Variants in KRT78 observed in about 807,000 individuals in gnomAD.
The protein encoded by KRT78 is keratin 78, also known as keratin, type II cytoskeletal 78.
Under a neutral mutation model 51.4 loss-of-function variants are expected in KRT78, and 55 were observed. The observed-to-expected ratio is 1.07, with a 90% CI of 0.86 to 1.34. The LOEUF is 1.34. KRT78 is among the 40% of genes most tolerant of loss of function. KRT78 has a pLI of 0.00. For missense variants in KRT78, 652 were observed against 649.4 expected (o/e 1.00, Z -0.04); for synonymous variants, 291 against 264.3 (o/e 1.10, Z -0.98).
intron 6 of KRT78, among the ~76,000 whole-genome samples, chr12:52,843,511 G>A (rs1460571008): frequency 1.3e-5 from 2 of 150,892 alleles, no homozygotes; most frequent in Non-Finnish European, 2.9e-5. Flanking sequence ...CCAACATGGT[G>A]AAACCCCGTC....
At chr12:52,839,539 G>C (rs748463296) in intron 7 of KRT78, 52 bp from the exon 8 acceptor site, 2 of 1,495,176 alleles carry the variant, frequency 1.3e-6, no homozygotes, top group Non-Finnish European at 1.8e-6. Flanking sequence ...TACAAAGAAT[G>C]CATCCCCACG....
Position 52,838,715 on chromosome 12 carries a change from T to G in KRT78, c.*398A>C. The G allele has an allele frequency of 4.5e-6, 1 of 220,136 alleles. No homozygotes were observed. The highest frequency in any genetic ancestry group is 2.3e-5 in the African/African-American group (1 of 44,170). 13.6% of individuals were successfully genotyped at this position (220,136 alleles called of 1,614,324 possible). On this transcript the variant is annotated 3_prime_UTR_variant, in exon 9 of 9. Coordinates refer to ENST00000304620, the MANE Select transcript of KRT78 (RefSeq NM_173352.4). Reference sequence around the variant, plus strand: ...ACTAGAACCTCTTAAAACAGGCAGTTGATGAGGAAGTGAGCTACAAGCACA... The same window carrying G: ...ACTAGAACCTCTTAAAACAGGCAGTGGATGAGGAAGTGAGCTACAAGCACA...
chr12:52,843,029 G>A (rs1302348723), intron 6 of KRT78, among the ~76,000 whole-genome samples: 4 of 115,748 alleles, frequency 3.5e-5, no homozygotes, highest in Admixed American at 1.6e-4. Context: ...AGGGAGGGAG[G>A]GAGGGAGGGA....
At chr12:52,846,015 T>G in intron 4 of KRT78, 182 bp downstream of exon 4, 1 of 561,648 alleles carries the variant, frequency 1.8e-6, no homozygotes, top group South Asian at 2.5e-5. Context: ...CATTGATGTA[T>G]CCCCAGGACC....
At chr12:52,845,814 C>T (rs1017837731) in intron 4 of KRT78, among the ~76,000 whole-genome samples, 16 of 152,032 alleles carry the variant, frequency 1.1e-4, no homozygotes, top group African/African-American at 3.9e-4. Context: ...ATTAGCTGAC[C>T]GCAGTGGCGG....
intron 4 of KRT78, 114 bp from the exon 5 acceptor site, chr12:52,844,837 TC>T: frequency 9.7e-7 from 1 of 1,029,750 alleles, no homozygotes; most frequent in Non-Finnish European, 1.4e-6. Flanking sequence ...CCCCCATTCA[TC>T]CCAGGTGGCT....
chr12:52,846,434 T>G, intron 3 of KRT78, 142 bp from the exon 4 acceptor site: 1 of 675,532 alleles, frequency 1.5e-6, no homozygotes, highest in African/African-American at 1.8e-5. Context: ...CCAGCCCCAC[T>G]CTGTCCTGCT....
In KRT78 at chr12:52,839,448, C is replaced by T. The variant is rs1451280909; in HGVS notation, c.1303+5G>A. On this transcript the variant is annotated splice_donor_5th_base_variant and intron_variant, in intron 8 of 8. Coordinates refer to ENST00000304620, the MANE Select transcript of KRT78 (RefSeq NM_173352.4). ...ATCCCATCCCTAAAGTCCCCTGATA[C>T]TCACAGATAGTGACCTGGCTGGTGC... 1.2e-6 allele frequency: 2 copies of T among 1,609,342 alleles called. No homozygotes were observed. Among genetic ancestry groups the T allele is most frequent in the Non-Finnish European group, 1.7e-6 (2 of 1,177,962 alleles).
In KRT78 at chr12:52,842,959, G is replaced by GAGAGAGAGAGAAAGGA. The variant is rs1299063277; in HGVS notation, c.1047+1133_1047+1134insTCCTTTCTCTCTCTCT. On this transcript the variant is annotated intron_variant, in intron 6 of 8. Transcript: ENST00000304620. ...AGAAAGAGAGAGAGAGAGAGAGAGA[G>GAGAGAGAGAGAAAGGA]AGGAAGGAAGGAAGGAAGGAAGGAA... 6.7e-3 allele frequency among the ~76,000 whole-genome samples: 362 copies of GAGAGAGAGAGAAAGGA among 53,752 alleles called. 5 individuals carry two copies. The highest frequency in any genetic ancestry group is 0.018 in the Middle Eastern group (2 of 112). 35.3% of individuals were successfully genotyped at this position (53,752 alleles called of 152,430 possible).
At chr12:52,843,688 CAAAAAAAAA>C (rs1158055717) in intron 6 of KRT78, among the ~76,000 whole-genome samples, 12 of 63,220 alleles carry the variant, frequency 1.9e-4, no homozygotes, top group African/African-American at 5.1e-4. Context: ...GACTCTGTCT[CAAAAAAAAA>C]AAAAAAAAGA....
Position 52,845,524 on chromosome 12 carries a change from A to G in KRT78, c.756+673T>C, listed in dbSNP as rs1389593817. On this transcript the variant is annotated intron_variant, in intron 4 of 8. Transcript: ENST00000304620. Reference sequence around the variant, plus strand: ...GGCCTACCCTGGCCACATGATTTGAAGTTGGCACCTGCTCCATGTTCCCAA... The same window carrying G: ...GGCCTACCCTGGCCACATGATTTGAGGTTGGCACCTGCTCCATGTTCCCAA... 2.6e-5 allele frequency among the ~76,000 whole-genome samples: 4 copies of G among 152,112 alleles called. No individual in the cohort carries two copies. The East Asian group carries it at 7.7e-4, about 29-fold the overall frequency.
intron 3 of KRT78, 51 bp downstream of exon 3, chr12:52,846,713 G>T: frequency 6.6e-7 from 1 of 1,510,038 alleles, no homozygotes; most frequent in Non-Finnish European, 9.2e-7. Flanking sequence ...ACTAGGCTCC[G>T]TGCACAGTGG....
chr12:52,841,942 C>A (rs907465506), intron 6 of KRT78, among the ~76,000 whole-genome samples: 10 of 152,322 alleles, frequency 6.6e-5, no homozygotes, highest in African/African-American at 2.4e-4. Flanking sequence ...GCTGGGCAAC[C>A]TCATTTAAAA....
intron 1 of KRT78, 149 bp from the exon 2 acceptor site, chr12:52,848,270 A>G (rs1286565776): frequency 1.9e-6 from 3 of 1,539,610 alleles, no homozygotes; most frequent in Admixed American, 2.0e-5. Context: ...ATGACCTTCC[A>G]TGACACTCTG....
intron 4 of KRT78, 122 bp from the exon 5 acceptor site, chr12:52,844,845 G>A: frequency 2.2e-6 from 2 of 904,044 alleles, no homozygotes; most frequent in Non-Finnish European, 3.3e-6. Context: ...CATCCCAGGT[G>A]GCTTTGAGTA....
intron 5 of KRT78, 93 bp from the exon 6 acceptor site, chr12:52,844,311 T>C (rs1445237010): frequency 2.8e-6 from 4 of 1,420,114 alleles, no homozygotes; most frequent in East Asian, 2.3e-5. Flanking sequence ...CACTCCTTAT[T>C]TGGAGTGTGG....
chr12:52,843,412 G>A (rs898406468), intron 6 of KRT78, among the ~76,000 whole-genome samples: 8 of 145,942 alleles, frequency 5.5e-5, no homozygotes, highest in African/African-American at 2.0e-4. Context: ...AAATGAGGCT[G>A]GGTGCAGTGG....
At chr12:52,842,959 G>GAAAGGAAGGAAGGA (rs1940537480) in intron 6 of KRT78, among the ~76,000 whole-genome samples, 1 of 53,724 alleles carries the variant, frequency 1.9e-5, no homozygotes, top group Admixed American at 2.1e-4. Flanking sequence ...GAGAGAGAGA[G>GAAAGGAAGGAAGGA]AGGAAGGAAG....
In KRT78 at chr12:52,838,139, C is replaced by T. The variant is rs1940389163; in HGVS notation, c.*974G>A. On this transcript the variant is annotated 3_prime_UTR_variant, in exon 9 of 9. Coordinates refer to ENST00000304620, the MANE Select transcript of KRT78 (RefSeq NM_173352.4). ...AGGAGAGGCGTAGTGTGACCTCCTGCAGCCCAGACTATGGAGTTTGGGGTT... is the reference window on the plus strand; with the variant it reads ...AGGAGAGGCGTAGTGTGACCTCCTGTAGCCCAGACTATGGAGTTTGGGGTT... 1 of 152,204 alleles carries T rather than the reference C, an allele frequency of 6.6e-6. No homozygotes were observed. The highest frequency in any genetic ancestry group is 2.1e-4 in the South Asian group (1 of 4,826). The allele number at this position is 152,204 out of a possible 1,614,324, so 9.4% of individuals were successfully genotyped here. A position where few individuals can be genotyped will look rare whatever the true frequency, so the allele number is the denominator to read the frequency against.
Sources: allele counts gnomAD v4.1 joint callset (sites outside exome capture counted in the v4.1 genomes callset), GRCh38; gene constraint gnomAD v4.1.1; transcripts MANE v1.5; gene names NCBI Gene and HGNC (gene_info 2026-07-23, HGNC 2026-07-21).